The following CACUL1 variants were observed in gnomAD, a reference collection of about 807,000 sequenced individuals.
CACUL1 encodes the protein CDK2 associated cullin domain 1, also known as CDK2-associated and cullin domain-containing protein 1.
A neutral mutation model predicts 45.2 loss-of-function variants in CACUL1; 13 were observed. The observed-to-expected ratio is 0.29, with a 90% CI of 0.19 to 0.46. The LOEUF (loss-of-function observed/expected upper bound fraction) is 0.46, where lower values mean the gene tolerates loss of function less well. Ranked by LOEUF, CACUL1 falls within the 20% of genes least tolerant of loss-of-function variation. The pLI is 1.00. For synonymous variants in CACUL1, 197 were observed against 174.2 expected, an observed-to-expected ratio of 1.13 and a Z score of -1.03; for missense variants, 421 against 471.4, an observed-to-expected ratio of 0.89 and a Z score of 0.99.
At position 118,686,635 on chromosome 10, in the gene CACUL1, G is replaced by C. The variant is rs1281517282; in HGVS notation, c.1032C>G (p.Asp344Glu). The stretch of plus-strand genomic sequence containing the variant: ...CATCCCCAGCTCTCTTCCGGGACTG[G>C]TCACCCCTGGGGATAAGAAGAGGCA... ...ELIQNGFTRG[D>E]QSRKRAGDEL... Residue 344 changes from aspartate to glutamate, a missense_variant, in exon 8 of 9, where the codon GAC (aspartate) becomes GAG (glutamate). Physicochemically the swap from Asp to Glu is conservative, Grantham distance 45. Around this residue, in one of 2 missense-constraint regions of CACUL1, gnomAD observed 208 missense variants for 298.4 expected, o/e 0.70. Transcript: ENST00000369151. 3.1e-6 allele frequency: 5 copies of C among 1,612,592 alleles called. No individual in the cohort carries two copies. In the African/African-American group the frequency reaches 5.3e-5, roughly 17 times the overall value.
chr10:118,706,236 A>G (rs1649024576), intron 4 of CACUL1, among the ~76,000 whole-genome samples: 1 of 152,214 alleles, frequency 6.6e-6, no homozygotes, highest in African/African-American at 2.4e-5. Context: ...TATCTGGTAA[A>G]TGCCATTAAA....
At chr10:118,754,266 A>G in intron 1 of CACUL1, 130 bp downstream of exon 1, 2 of 1,349,644 alleles carry the variant, frequency 1.5e-6, no homozygotes, top group Non-Finnish European at 2.0e-6. Flanking sequence ...AGGGAGGCGA[A>G]GGCGGACGGG....
At chr10:118,694,473 G>T (rs1408015573) in intron 6 of CACUL1, among the ~76,000 whole-genome samples, 1 of 152,126 alleles carries the variant, frequency 6.6e-6, no homozygotes, top group African/African-American at 2.4e-5. Context: ...GTAGAACAAC[G>T]TTCTATCCTG....
At position 118,754,887 on chromosome 10, in the gene CACUL1, G is replaced by C. The variant is rs567306966; in HGVS notation, c.-125C>G. The C allele has an allele frequency of 2.3e-6, 3 of 1,324,106 alleles. No individual in the cohort carries two copies. In the East Asian group the frequency reaches 7.9e-5, roughly 35 times the overall value. The allele number at this position is 1,324,106 out of a possible 1,614,324, so 82.0% of individuals were successfully genotyped here. A position where few individuals can be genotyped will look rare whatever the true frequency, so the allele number is the denominator to read the frequency against. The stretch of plus-strand genomic sequence containing the variant: ...GGCAGGAATGGGCGCAGCGGAGAGG[G>C]CTGCGGTGCGCAGGGTCTCTCGCTC... On this transcript the variant is annotated 5_prime_UTR_variant, in exon 1 of 9. Coordinates refer to ENST00000369151, the MANE Select transcript of CACUL1 (RefSeq NM_153810.5).
At chr10:118,714,265 T>C (rs1845520802) in intron 3 of CACUL1, among the ~76,000 whole-genome samples, 1 of 152,206 alleles carries the variant, frequency 6.6e-6, no homozygotes, top group East Asian at 1.9e-4. Context: ...GGATCTTTTC[T>C]GTATACATTT....
chr10:118,708,542 TTA>T lies in CACUL1; in HGVS notation c.598-957_598-956del, dbSNP rs1484479584. Among the ~76,000 whole-genome samples, 5 of 152,272 alleles carry T rather than the reference TTA, an allele frequency of 3.3e-5. No homozygotes were observed. The South Asian group carries it at 8.3e-4, about 25-fold the overall frequency. On this transcript the variant is annotated intron_variant, in intron 3 of 8. Transcript: ENST00000369151. ...TCAAGAGAGAACACTACCAACTTTTTTATATGTTATAGACTGAATAGAATATA... is the reference window on the plus strand; with the variant it reads ...TCAAGAGAGAACACTACCAACTTTTTTATGTTATAGACTGAATAGAATATA...
In CACUL1 at chr10:118,685,660, G is replaced by T. The variant is rs1021792324; in HGVS notation, c.*468C>A. ...TTTTAAAAGGGGTTGTTTTGGTTGT[G>T]GGTGAAAAATACTGTACTGTAATGA... On this transcript the variant is annotated 3_prime_UTR_variant, in exon 9 of 9. Transcript: ENST00000369151. 2 of 152,726 alleles carry T rather than the reference G, an allele frequency of 1.3e-5. No individual in the cohort carries two copies. Among genetic ancestry groups the T allele is most frequent in the African/African-American group, 4.8e-5 (2 of 41,426 alleles). The allele number at this position is 152,726 out of a possible 1,614,324, so 9.5% of individuals were successfully genotyped here.
rs138874285 is a variant in CACUL1 at position 118,737,374 on chromosome 10, C to T, written c.368-6964G>A. Among the ~76,000 whole-genome samples, 7 of 152,288 alleles carry T rather than the reference C, an allele frequency of 4.6e-5. No individual in the cohort carries two copies. The East Asian group carries it at 1.2e-3, about 25-fold the overall frequency. On this transcript the variant is annotated intron_variant, in intron 1 of 8. Transcript: ENST00000369151. ...TAGTCATTCCTCAGTATATTCATTA[C>T]ATTCAGATGACAACAACCAGATGAC...
At chr10:118,732,851 G>T (rs1845709798) in intron 1 of CACUL1, among the ~76,000 whole-genome samples, 1 of 152,132 alleles carries the variant, frequency 6.6e-6, no homozygotes, top group African/African-American at 2.4e-5. Flanking sequence ...TAATCCTTAG[G>T]ATTCAAAGAA....
intron 3 of CACUL1, among the ~76,000 whole-genome samples, chr10:118,719,307 C>T (rs1304940323): frequency 6.6e-6 from 1 of 152,188 alleles, no homozygotes; most frequent in Admixed American, 6.5e-5. Flanking sequence ...ATCCTTAATA[C>T]TATTTTCTCA....
chr10:118,737,046 C>T (rs1845747082), intron 1 of CACUL1, among the ~76,000 whole-genome samples: 2 of 147,020 alleles, frequency 1.4e-5, no homozygotes, highest in East Asian at 2.0e-4. Flanking sequence ...AATCGCCTAA[C>T]AAAACAATTC....
intron 3 of CACUL1, among the ~76,000 whole-genome samples, chr10:118,725,150 T>C (rs1180941123): frequency 6.6e-6 from 1 of 152,134 alleles, no homozygotes; most frequent in African/African-American, 2.4e-5. Flanking sequence ...AAAATAAAAA[T>C]AAATAGAACT....
chr10:118,712,345 G>A (rs1176941219), intron 3 of CACUL1, among the ~76,000 whole-genome samples: 2 of 152,200 alleles, frequency 1.3e-5, no homozygotes, highest in Non-Finnish European at 2.9e-5. Flanking sequence ...GGCCCCAAAG[G>A]GCCCCAAAGA....
At chr10:118,687,880 A>T (rs981351158) in intron 7 of CACUL1, among the ~76,000 whole-genome samples, 2 of 152,224 alleles carry the variant, frequency 1.3e-5, no homozygotes, top group Non-Finnish European at 2.9e-5. Flanking sequence ...TCAGAACATA[A>T]GTTCCATGAA....
At chr10:118,751,005 C>T (rs1370029015) in intron 1 of CACUL1, among the ~76,000 whole-genome samples, 3 of 152,174 alleles carry the variant, frequency 2.0e-5, no homozygotes, top group African/African-American at 7.2e-5. Flanking sequence ...TTTTCCATTA[C>T]TATTTTAATA....
intron 3 of CACUL1, among the ~76,000 whole-genome samples, chr10:118,712,522 G>A (rs1479052819): frequency 6.6e-6 from 1 of 152,230 alleles, no homozygotes; most frequent in African/African-American, 2.4e-5. Context: ...CTGAGTTCTT[G>A]TCCTGTGACC....
rs1845685908 is a variant in CACUL1 at position 118,730,288 on chromosome 10, A to G, written c.490T>C (p.Tyr164His). 2 of 1,613,924 alleles carry G rather than the reference A, an allele frequency of 1.2e-6. No individual in the cohort carries two copies. The highest frequency in any genetic ancestry group is 1.1e-5 in the South Asian group (1 of 91,070). The change falls in exon 2 of 9, where the codon TAC (tyrosine) becomes CAC (histidine). Residue 164 changes from tyrosine (Y) to histidine (H), a missense_variant. This residue lies in a region of CACUL1 where 208 missense variants were observed against 298.4 expected (regional missense o/e 0.70). Transcript: ENST00000369151. ...GCAAATTAAATCTTAACTTACCTGT[A>G]TATCTGTTCATAGGATATGGGGATA... ...DYIPISYEQIYSCVYKCVCQQ... is the reference protein window; with the variant it reads ...DYIPISYEQIHSCVYKCVCQQ...
chr10:118,741,294 G>C (rs542998670), intron 1 of CACUL1, among the ~76,000 whole-genome samples: 1 of 151,994 alleles, frequency 6.6e-6, no homozygotes, highest in East Asian at 1.9e-4. Context: ...TCAAATCCTC[G>C]GAAATGGAAA....
chr10:118,737,775 T>C (rs1845753865), intron 1 of CACUL1, among the ~76,000 whole-genome samples: 1 of 151,950 alleles, frequency 6.6e-6, no homozygotes, highest in East Asian at 1.9e-4. Flanking sequence ...TACAACACTG[T>C]TCTACCATTA....
Sources: gnomAD v4.1 joint callset for allele counts (sites outside exome capture counted in the v4.1 genomes callset) on GRCh38, gnomAD v4.1.1 for gene constraint, gnomAD v4.1.1 regional missense constraint, MANE v1.5 for transcripts, NCBI Gene and HGNC (gene_info 2026-07-23, HGNC 2026-07-21) for gene names.